BCL2: variants seen among roughly 807,000 people sequenced by gnomAD.
The protein encoded by BCL2 is apoptosis regulator Bcl-2.
A neutral mutation model predicts 14.2 loss-of-function variants in BCL2; 1 was observed. That is an observed-to-expected ratio of 0.07 (90% CI 0.02 to 0.33). The LOEUF is 0.33. Among genes scored for constraint, BCL2 ranks in the 10% least tolerant of loss-of-function variants. The pLI is 0.99. For missense variants in BCL2, 247 were observed against 305.9 expected (o/e 0.81, Z 1.44); for synonymous variants, 151 against 137.2 (o/e 1.10, Z -0.70).
intron 2 of BCL2, among the ~76,000 whole-genome samples, chr18:63,245,957 T>G (rs1911140581): frequency 2.0e-5 from 3 of 152,216 alleles, no homozygotes; most frequent in Admixed American, 2.0e-4. Flanking sequence ...TCCACAACTT[T>G]CCTCTAAGAA....
chr18:63,155,639 C>A (rs772505033), intron 2 of BCL2, among the ~76,000 whole-genome samples: 1 of 152,066 alleles, frequency 6.6e-6, no homozygotes, highest in African/African-American at 2.4e-5. Context: ...TTGGCTGAGA[C>A]GGACGTTAGA....
At position 63,318,872 on chromosome 18, in the gene BCL2, C is replaced by T; in HGVS notation, c.-206G>A. The stretch of plus-strand genomic sequence containing the variant: ...CATGAGATGCAGGAAATTTTTATTC[C>T]AATTCCTTTCGGATCTTTATTTCAT... On this transcript the variant is annotated 5_prime_UTR_variant, in exon 2 of 3. Transcript: ENST00000333681. The surrounding 1 kb of genome is among the most constrained non-coding windows in gnomAD (Gnocchi z 7.4). The T allele has an allele frequency of 1.4e-6, 2 of 1,411,792 alleles. No individual in the cohort carries two copies. Among genetic ancestry groups the T allele is most frequent in the Non-Finnish European group, 1.9e-6 (2 of 1,080,990 alleles). 87.5% of individuals were successfully genotyped at this position (1,411,792 alleles called of 1,614,324 possible). A position where few individuals can be genotyped will look rare whatever the true frequency, so the allele number is the denominator to read the frequency against.
chr18:63,197,272 G>A (rs148344446), intron 2 of BCL2, among the ~76,000 whole-genome samples: 74 of 152,256 alleles, frequency 4.9e-4, no homozygotes, highest in African/African-American at 1.7e-3. Context: ...CTGACAAATC[G>A]TTCACTTTCT....
At chr18:63,165,956 C>T (rs896637642) in intron 2 of BCL2, among the ~76,000 whole-genome samples, 6 of 152,244 alleles carry the variant, frequency 3.9e-5, no homozygotes, top group Admixed American at 6.5e-5. Context: ...TTTGCTGGAT[C>T]GCTTTAAAGC....
chr18:63,280,339 G>T (rs908725521), intron 2 of BCL2, among the ~76,000 whole-genome samples: 2 of 152,162 alleles, frequency 1.3e-5, no homozygotes, highest in Non-Finnish European at 2.9e-5. Context: ...TCTCAGGGTT[G>T]TAAAATGAAT....
At chr18:63,170,428 A>G (rs1281530549) in intron 2 of BCL2, among the ~76,000 whole-genome samples, 3 of 152,132 alleles carry the variant, frequency 2.0e-5, no homozygotes, top group Non-Finnish European at 4.4e-5. Context: ...CCTGGGCCCC[A>G]CTTTTGCTTG....
At chr18:63,255,627 T>G (rs958264324) in intron 2 of BCL2, among the ~76,000 whole-genome samples, 3 of 152,190 alleles carry the variant, frequency 2.0e-5, no homozygotes, top group Non-Finnish European at 4.4e-5. Flanking sequence ...GCAATTGACC[T>G]GCTGACTAAA....
intron 2 of BCL2, among the ~76,000 whole-genome samples, chr18:63,139,958 A>G (rs1347512169): frequency 6.6e-6 from 1 of 152,300 alleles, no homozygotes; most frequent in Non-Finnish European, 1.5e-5. Context: ...AACAATAAAA[A>G]CGTAAGTAGC....
chr18:63,183,268 C>A (rs557042291), intron 2 of BCL2, among the ~76,000 whole-genome samples: 1 of 152,254 alleles, frequency 6.6e-6, no homozygotes, highest in South Asian at 2.1e-4. Context: ...TGGCTGTGGG[C>A]TAGCAGTGAG....
chr18:63,188,688 T>C lies in BCL2; in HGVS notation c.586-59929A>G, dbSNP rs541223628. Among the ~76,000 whole-genome samples, 21 of 152,190 alleles carry C rather than the reference T, an allele frequency of 1.4e-4. No individual in the cohort carries two copies. The South Asian group carries it at 4.1e-3, about 30-fold the overall frequency. Reference sequence around the variant, plus strand: ...TCAACAAATCTTAATTTGTATTAATTTGTAATAATATTAATTTCAATTTAT... The same window carrying C: ...TCAACAAATCTTAATTTGTATTAATCTGTAATAATATTAATTTCAATTTAT... On this transcript the variant is annotated intron_variant, in intron 2 of 2. Coordinates refer to ENST00000333681, the MANE Select transcript of BCL2 (RefSeq NM_000633.3).
At chr18:63,265,829 AAC>A (rs1911808540) in intron 2 of BCL2, among the ~76,000 whole-genome samples, 1 of 152,326 alleles carries the variant, frequency 6.6e-6, no homozygotes, top group East Asian at 1.9e-4. Context: ...ATAGTTCATA[AAC>A]ACATTAAAAG....
At chr18:63,245,160 C>T (rs1383226371) in intron 2 of BCL2, among the ~76,000 whole-genome samples, 5 of 152,182 alleles carry the variant, frequency 3.3e-5, no homozygotes, top group Admixed American at 3.3e-4. Flanking sequence ...ATTAATCCCC[C>T]AAGTTGTGTG....
intron 2 of BCL2, among the ~76,000 whole-genome samples, chr18:63,291,759 A>G (rs1461560600): frequency 6.6e-6 from 1 of 151,988 alleles, no homozygotes; most frequent in Admixed American, 6.5e-5. Flanking sequence ...GCGGGAAAAA[A>G]TGCTGAAAGA....
intron 2 of BCL2, among the ~76,000 whole-genome samples, chr18:63,218,657 C>T (rs1910278868): frequency 4.5e-5 from 2 of 44,612 alleles, no homozygotes; most frequent in East Asian, 7.6e-4. Context: ...CTCCACTCAT[C>T]CCCATCCTCC....
intron 2 of BCL2, among the ~76,000 whole-genome samples, chr18:63,300,464 C>CTG (rs776497748): frequency 0.027 from 3,781 of 142,004 alleles, 69 homozygotes; most frequent in Middle Eastern, 0.053. Context: ...CTCTCTCTCT[C>CTG]TCTGTGTGTG....
At chr18:63,193,631 A>AC (rs1909355860) in intron 2 of BCL2, among the ~76,000 whole-genome samples, 1 of 149,450 alleles carries the variant, frequency 6.7e-6, no homozygotes, top group Non-Finnish European at 1.5e-5. Context: ...CACACATACA[A>AC]ATACACACAC....
chr18:63,284,891 G>A (rs960331051), intron 2 of BCL2, among the ~76,000 whole-genome samples: 4 of 152,208 alleles, frequency 2.6e-5, no homozygotes, highest in Non-Finnish European at 4.4e-5. Context: ...CAGACTGTGA[G>A]AATCCTGGAA....
At chr18:63,253,844 A>G (rs528867921) in intron 2 of BCL2, among the ~76,000 whole-genome samples, 101 of 151,438 alleles carry the variant, frequency 6.7e-4, no homozygotes, top group African/African-American at 2.2e-3. Flanking sequence ...AGAAAAAAAA[A>G]AAAGAAAGAA....
intron 2 of BCL2, among the ~76,000 whole-genome samples, chr18:63,157,373 G>A (rs1914810997): frequency 6.6e-6 from 1 of 152,154 alleles, no homozygotes; most frequent in South Asian, 2.1e-4. Flanking sequence ...GTCCCAAAGG[G>A]GATCCTCAGA....
Sources: gnomAD v4.1 joint callset for allele counts (sites outside exome capture counted in the v4.1 genomes callset) on GRCh38, gnomAD v4.1.1 for gene constraint, Gnocchi (gnomAD v3.1) non-coding constraint, MANE v1.5 for transcripts, NCBI Gene and HGNC (gene_info 2026-07-23, HGNC 2026-07-21) for gene names.